The following SLC22A13 variants were observed in gnomAD, a reference collection of about 807,000 sequenced individuals.
The protein encoded by SLC22A13 is organic anion transporter 10.
A neutral mutation model predicts 49.1 loss-of-function variants in SLC22A13; 42 were observed. The ratio of observed to expected loss-of-function variants is 0.85; its 90% CI spans 0.67 to 1.11. The LOEUF is 1.11. Among genes scored for constraint, SLC22A13 ranks in the 50% least tolerant of loss-of-function variants. The pLI is 0.00. For missense variants in SLC22A13, 694 were observed against 712.8 expected, an observed-to-expected ratio of 0.97 and a Z score of 0.30; for synonymous variants, 282 against 293.1, an observed-to-expected ratio of 0.96 and a Z score of 0.39.
Position 38,276,044 on chromosome 3 carries a change from G to C in SLC22A13, c.1185G>C (p.Gly395=). Residue 395 remains glycine (G), a synonymous_variant, in exon 7 of 10, where the codon GGG becomes GGC. Transcript: ENST00000311856. ...QRFGRKWSQL[G]TLVLGGLMCI... ...TTGGCCGCAAGTGGAGCCAGTTGGGGACCTTGGTCTTGGGTGGCCTGATGT... is the reference window on the plus strand; with the variant it reads ...TTGGCCGCAAGTGGAGCCAGTTGGGCACCTTGGTCTTGGGTGGCCTGATGT... The C allele has an allele frequency of 6.2e-7, 1 of 1,614,114 alleles. No homozygotes were observed. The highest frequency in any genetic ancestry group is 1.3e-5 in the African/African-American group (1 of 75,048).
At position 38,276,401 on chromosome 3, in the gene SLC22A13, A is replaced by G. The variant is rs1316263884; in HGVS notation, c.1346+6A>G. The G allele has an allele frequency of 6.3e-7, 1 of 1,590,168 alleles. No individual in the cohort carries two copies. The highest frequency in any genetic ancestry group is 1.3e-5 in the African/African-American group (1 of 74,624). On this transcript the variant is annotated splice_donor_region_variant and intron_variant, in intron 8 of 9. Coordinates refer to ENST00000311856, the MANE Select transcript of SLC22A13 (RefSeq NM_004256.4). ...CTTTTCCCCACCATCCTCCGGTAAG[A>G]GCTGCAGTGTGACTCCTGCTCCTCT... is the stretch of plus-strand genomic sequence containing the variant.
intron 6 of SLC22A13, 88 bp downstream of exon 6, chr3:38,275,760 C>T: frequency 6.7e-7 from 1 of 1,486,748 alleles, no homozygotes; most frequent in Non-Finnish European, 9.3e-7. Flanking sequence ...GGCTGTTTGG[C>T]TGGGATGGTC....
Position 38,274,279 on chromosome 3 carries a change from T to G in SLC22A13, c.386T>G (p.Leu129Arg). 1 of 1,613,686 alleles carries G rather than the reference T, an allele frequency of 6.2e-7. No homozygotes were observed. Among genetic ancestry groups the G allele is most frequent in the Non-Finnish European group, 8.5e-7 (1 of 1,179,580 alleles). Residue 129 changes from leucine (L) to arginine (R), a missense_variant, in exon 2 of 10, where the codon CTG becomes CGG. Transcript: ENST00000311856. Reference sequence around the variant, plus strand: ...TGCCTGTGTCTCCCTCAGTTCAACCTGGTTTGTGATCGGAAGCACCTGAAG... The same window carrying G: ...TGCCTGTGTCTCCCTCAGTTCAACCGGGTTTGTGATCGGAAGCACCTGAAG... ...RLPSLKNEFN[L>R]VCDRKHLKDT...
rs1332765545 is a variant in SLC22A13, at chr3:38,277,493, G to A, written c.*28G>A. On this transcript the variant is annotated 3_prime_UTR_variant, in exon 10 of 10. Transcript: ENST00000311856. Reference sequence around the variant, plus strand: ...GAGGTCTCTAAGAGCTGGACCATCAGCAGCAGGGAGCTGCCTAAACACCTC... The same window carrying A: ...GAGGTCTCTAAGAGCTGGACCATCAACAGCAGGGAGCTGCCTAAACACCTC... 2.4e-5 allele frequency: 37 copies of A among 1,545,388 alleles called. No homozygotes were observed. Among genetic ancestry groups the A allele is most frequent in the Non-Finnish European group, 3.1e-5 (35 of 1,120,042 alleles).
Position 38,276,453 on chromosome 3 carries a change from C to T in SLC22A13, c.1346+58C>T, listed in dbSNP as rs1025048120. On this transcript the variant is annotated intron_variant, in intron 8 of 9. Transcript: ENST00000311856. ...CTACTGAGATGCTGATTTGGCTGTC[C>T]CTCCTCGGCCCTCACCCCATTCCAC... 6 of 1,200,228 alleles carry T rather than the reference C, an allele frequency of 5.0e-6. No individual in the cohort carries two copies. In the Middle Eastern group the frequency reaches 8.2e-4, roughly 164 times the overall value. The allele number at this position is 1,200,228 out of a possible 1,614,324, so 74.3% of individuals were successfully genotyped here. A position where few individuals can be genotyped will look rare whatever the true frequency, so the allele number is the denominator to read the frequency against.
chr3:38,276,478 CA>C, intron 8 of SLC22A13, 83 bp downstream of exon 8: 1 of 969,134 alleles, frequency 1.0e-6, no homozygotes, highest in Non-Finnish European at 1.6e-6. Context: ...CCCCATTCCA[CA>C]AATAGCTGAC....
intron 3 of SLC22A13, 111 bp downstream of exon 3, chr3:38,274,869 G>T (rs924012959): frequency 2.3e-5 from 36 of 1,543,314 alleles, no homozygotes; most frequent in African/African-American, 2.7e-5. Flanking sequence ...CACATCTGAA[G>T]TGGTCGCACT....
chr3:38,275,763 G>C, intron 6 of SLC22A13, 91 bp downstream of exon 6: 1 of 1,489,588 alleles, frequency 6.7e-7, no homozygotes. Flanking sequence ...TGTTTGGCTG[G>C]GATGGTCTCT....
At position 38,274,374 on chromosome 3, in the gene SLC22A13, C is replaced by T. The variant is rs752628023; in HGVS notation, c.481C>T (p.Arg161Trp). ...GTLMFGPLCDRIGRKATILAQ... is the reference protein window; with the variant it reads ...GTLMFGPLCDWIGRKATILAQ... ...CCTCATGTTTGGGCCCCTCTGCGAC[C>T]GGTAAGAACCTTGCCCTGCCCACTC... Residue 161 changes from arginine (R) to tryptophan (W), a missense_variant and splice_region_variant, in exon 2 of 10, where the codon CGG becomes TGG. Physicochemically the swap from Arg to Trp is moderately radical, Grantham distance 101. Coordinates refer to ENST00000311856, the MANE Select transcript of SLC22A13 (RefSeq NM_004256.4). The T allele has an allele frequency of 3.7e-5, 59 of 1,612,678 alleles. No homozygotes were observed. Among genetic ancestry groups the T allele is most frequent in the South Asian group, 3.1e-4 (28 of 91,074 alleles).
Position 38,265,989 on chromosome 3 carries a change from C to G in SLC22A13, c.129C>G (p.Val43=), listed in dbSNP as rs1413426641. The G allele has an allele frequency of 6.2e-7, 1 of 1,614,196 alleles. No homozygotes were observed. The highest frequency in any genetic ancestry group is 1.7e-5 in the Admixed American group (1 of 60,026). The change falls in exon 1 of 10, where the codon GTC becomes GTG. Residue 43 remains valine, a synonymous_variant. Coordinates refer to ENST00000311856, the MANE Select transcript of SLC22A13 (RefSeq NM_004256.4). ...PFYFFAHVFM[V]LDEPHHCAVA... is the part of the protein sequence containing the mutation. ...ACTTTTTTGCCCATGTCTTCATGGT[C>G]CTAGATGAGCCCCACCACTGTGCAG...
At chr3:38,273,822 A>G (rs1410351918) in intron 1 of SLC22A13, among the ~76,000 whole-genome samples, 2 of 152,244 alleles carry the variant, frequency 1.3e-5, no homozygotes, top group Non-Finnish European at 2.9e-5. Context: ...CTTAAATACA[A>G]TAACTTACTG....
At chr3:38,266,363 T>TA in intron 1 of SLC22A13, 125 bp downstream of exon 1, 1 of 1,114,526 alleles carries the variant, frequency 9.0e-7, no homozygotes, top group East Asian at 2.4e-5. Flanking sequence ...CATGGGCACA[T>TA]ATGTTTTTCA....
chr3:38,275,190 C>A (rs751922288), intron 4 of SLC22A13, 33 bp downstream of exon 4: 1 of 1,612,446 alleles, frequency 6.2e-7, no homozygotes, highest in Non-Finnish European at 8.5e-7. Flanking sequence ...GCAAGCCCCC[C>A]CAGGTTAGTT....
intron 9 of SLC22A13, 95 bp downstream of exon 9, chr3:38,277,222 T>C: frequency 8.7e-7 from 1 of 1,145,174 alleles, no homozygotes; most frequent in Non-Finnish European, 1.3e-6. Context: ...TCGTCCACTG[T>C]TGCCTAGAGG....
At chr3:38,275,278 C>T (rs773918607) in intron 4 of SLC22A13, 92 bp from the exon 5 acceptor site, 2 of 1,594,678 alleles carry the variant, frequency 1.3e-6, no homozygotes, top group Non-Finnish European at 1.7e-6. Flanking sequence ...GAGCCTGTCA[C>T]AGCTGGGTGT....
rs1217132518 is a variant in SLC22A13 at position 38,265,822 on chromosome 3, C to T, written c.-39C>T. 2 of 1,601,662 alleles carry T rather than the reference C, an allele frequency of 1.2e-6. No individual in the cohort carries two copies. Among genetic ancestry groups the T allele is most frequent in the Non-Finnish European group, 1.7e-6 (2 of 1,171,912 alleles). Reference sequence around the variant, plus strand: ...TCCCAGAGCCAAGCTACAGAGCTACCCTAGTGTCCCCAGGCTGAGGAGGTA... The same window carrying T: ...TCCCAGAGCCAAGCTACAGAGCTACTCTAGTGTCCCCAGGCTGAGGAGGTA... On this transcript the variant is annotated 5_prime_UTR_variant, in exon 1 of 10. Transcript: ENST00000311856.
chr3:38,270,425 T>A (rs1703507775), intron 1 of SLC22A13: 1 of 216,518 alleles, frequency 4.6e-6, no homozygotes, highest in Admixed American at 4.1e-5. Flanking sequence ...TGAGATGAAT[T>A]TGGGTCTCGA....
intron 1 of SLC22A13, among the ~76,000 whole-genome samples, chr3:38,273,679 A>G (rs1342397776): frequency 6.6e-6 from 1 of 152,246 alleles, no homozygotes; most frequent in Non-Finnish European, 1.5e-5. Context: ...TGGCATCTCC[A>G]GGCCAAAAGA....
Position 38,277,120 on chromosome 3 carries a change from C to A in SLC22A13, c.1555C>A (p.His519Asn). ...CCTCCAGGACCTGGAGCTGGGGCCT[C>A]ACCCACGGTGAGCTGCTTGCTTGCA... The part of the protein sequence containing the change: ...DTLQDLELGP[H>N]PRSPKSVPSE... The change falls in exon 9 of 10, where the codon CAC becomes AAC. Residue 519 changes from histidine to asparagine, a missense_variant. Transcript: ENST00000311856. The A allele has an allele frequency of 1.9e-6, 3 of 1,559,236 alleles. No individual in the cohort carries two copies. The highest frequency in any genetic ancestry group is 2.6e-6 in the Non-Finnish European group (3 of 1,151,266).
Sources: gnomAD v4.1 joint callset for allele counts (sites outside exome capture counted in the v4.1 genomes callset) on GRCh38, gnomAD v4.1.1 for gene constraint, MANE v1.5 for transcripts, NCBI Gene and HGNC (gene_info 2026-07-23, HGNC 2026-07-21) for gene names.